Variants in BRINP3 observed in about 807,000 individuals in gnomAD.
BRINP3 encodes BMP/retinoic acid-inducible neural-specific protein 3.
A neutral mutation model predicts 71.0 loss-of-function variants in BRINP3; 19 were observed. The observed-to-expected ratio is 0.27, with a 90% CI of 0.19 to 0.39. The LOEUF is 0.39. Ranked by LOEUF, BRINP3 falls within the 10% of genes least tolerant of loss-of-function variation. The pLI is 1.00. For missense variants in BRINP3, 959 were observed against 940.8 expected, an observed-to-expected ratio of 1.02 and a Z score of -0.25; for synonymous variants, 380 against 337.7, an observed-to-expected ratio of 1.13 and a Z score of -1.37.
chr1:190,265,931 T>C (rs560478922), intron 3 of BRINP3, among the ~76,000 whole-genome samples: 1 of 152,322 alleles, frequency 6.6e-6, no homozygotes, highest in South Asian at 2.1e-4. Context: ...CATTGTGTGT[T>C]AATACACTGT....
rs116078532 is a variant in BRINP3, at chr1:190,269,834, A to G, written c.428-4779T>C. On this transcript the variant is annotated intron_variant, in intron 3 of 7. Transcript: ENST00000367462. ...TTGCAAAATGATACAACTTACATACAGGGAACATTGGCAATATATATCAAT... is the reference window on the plus strand; with the variant it reads ...TTGCAAAATGATACAACTTACATACGGGGAACATTGGCAATATATATCAAT... Among the ~76,000 whole-genome samples the G allele has an allele frequency of 1.4e-3, 212 of 152,174 alleles. 1 individual carries two copies. The highest frequency in any genetic ancestry group is 4.9e-3 in the African/African-American group (202 of 41,570).
intron 2 of BRINP3, among the ~76,000 whole-genome samples, chr1:190,361,026 G>A (rs577294202): frequency 6.6e-6 from 1 of 152,192 alleles, no homozygotes; most frequent in South Asian, 2.1e-4. Flanking sequence ...TTTCAAGGAT[G>A]AGAAAATATG....
intron 2 of BRINP3, among the ~76,000 whole-genome samples, chr1:190,299,717 C>T (rs1382607830): frequency 2.0e-5 from 3 of 151,648 alleles, no homozygotes; most frequent in Non-Finnish European, 4.4e-5. Context: ...TTTAGCGCTT[C>T]CTTCAGGAGC....
At chr1:190,178,018 AG>A (rs1263890213) in intron 6 of BRINP3, among the ~76,000 whole-genome samples, 1 of 152,196 alleles carries the variant, frequency 6.6e-6, no homozygotes, top group Admixed American at 6.5e-5. Context: ...AGCTTATAAG[AG>A]GATTTGTGTC....
intron 1 of BRINP3, among the ~76,000 whole-genome samples, chr1:190,464,493 A>C (rs1676608384): frequency 6.6e-6 from 1 of 151,880 alleles, no homozygotes; most frequent in Admixed American, 6.6e-5. Context: ...GGCAGTTATT[A>C]TGTTTTCGTA....
At chr1:190,130,430 A>G (rs1334614243) in intron 7 of BRINP3, among the ~76,000 whole-genome samples, 3 of 152,014 alleles carry the variant, frequency 2.0e-5, no homozygotes, top group African/African-American at 7.2e-5. Context: ...CGCTGATTTC[A>G]TTAACCTTAA....
chr1:190,234,307 A>C, intron 5 of BRINP3, 65 bp downstream of exon 5: 6 of 1,235,844 alleles, frequency 4.9e-6, no homozygotes, highest in Non-Finnish European at 6.8e-6. Flanking sequence ...AAAATGGAAA[A>C]GAAATCACGA....
intron 2 of BRINP3, among the ~76,000 whole-genome samples, chr1:190,346,361 G>A (rs947582067): frequency 2.0e-5 from 3 of 152,044 alleles, no homozygotes; most frequent in Non-Finnish European, 4.4e-5. Context: ...CTGAAGGCAA[G>A]TGCTTTGTTA....
chr1:190,275,215 A>G (rs1377807025), intron 3 of BRINP3, among the ~76,000 whole-genome samples: 2 of 151,630 alleles, frequency 1.3e-5, no homozygotes, highest in African/African-American at 2.4e-5. Flanking sequence ...AGTTACTTCT[A>G]ATTTTGGAGC....
chr1:190,309,212 T>C (rs1665343789), intron 2 of BRINP3, among the ~76,000 whole-genome samples: 1 of 151,828 alleles, frequency 6.6e-6, no homozygotes, highest in Admixed American at 6.6e-5. Context: ...GCTAAAAATA[T>C]TGTATGATTC....
intron 2 of BRINP3, among the ~76,000 whole-genome samples, chr1:190,382,570 A>G (rs1670617170): frequency 6.6e-6 from 1 of 152,156 alleles, no homozygotes; most frequent in Non-Finnish European, 1.5e-5. Context: ...CTTCCCGAGG[A>G]AAAGACAATC....
intron 1 of BRINP3, among the ~76,000 whole-genome samples, chr1:190,455,467 ATG>A (rs1553326600): frequency 6.6e-5 from 10 of 152,258 alleles, no homozygotes; most frequent in African/African-American, 2.2e-4. Flanking sequence ...ATGTGTGTAT[ATG>A]TGTGTATACC....
At chr1:190,365,562 A>T (rs1316658525) in intron 2 of BRINP3, among the ~76,000 whole-genome samples, 1 of 147,344 alleles carries the variant, frequency 6.8e-6, no homozygotes, top group African/African-American at 2.5e-5. Context: ...ATATAATTAT[A>T]TTTTAGTTTT....
At chr1:190,138,560 G>T (rs1488784489) in intron 7 of BRINP3, among the ~76,000 whole-genome samples, 2 of 152,104 alleles carry the variant, frequency 1.3e-5, no homozygotes, top group African/African-American at 4.8e-5. Context: ...TTTGTGCTTT[G>T]CCCTCTGTGT....
chr1:190,321,020 T>A (rs75421739), intron 2 of BRINP3, among the ~76,000 whole-genome samples: 19,771 of 151,992 alleles, frequency 0.13, 1,672 homozygotes, highest in South Asian at 0.26. Flanking sequence ...CAGATTAAAA[T>A]GGAGTTTTAT....
rs778033230 is a variant in BRINP3, at chr1:190,175,486, T to A, written c.962-14596A>T. Among the ~76,000 whole-genome samples, 73 of 152,254 alleles carry A rather than the reference T, an allele frequency of 4.8e-4. 2 individuals carry two copies. Among genetic ancestry groups the A allele is most frequent in the Middle Eastern group, 3.4e-3 (1 of 294 alleles). On this transcript the variant is annotated intron_variant, in intron 6 of 7. Coordinates refer to ENST00000367462, the MANE Select transcript of BRINP3 (RefSeq NM_199051.3). Reference sequence around the variant, plus strand: ...ATATTACTTAACTCATCCTAAAAACTAGACTCTCAATTTCCAGGAATGTTG... The same window carrying A: ...ATATTACTTAACTCATCCTAAAAACAAGACTCTCAATTTCCAGGAATGTTG...
chr1:190,139,777 T>G (rs542400056), intron 7 of BRINP3, among the ~76,000 whole-genome samples: 1 of 152,130 alleles, frequency 6.6e-6, no homozygotes, highest in Non-Finnish European at 1.5e-5. Flanking sequence ...AGTTAAGGTT[T>G]TCTCCAGGCA....
chr1:190,229,669 C>G (rs1657764810), intron 5 of BRINP3, among the ~76,000 whole-genome samples: 1 of 151,042 alleles, frequency 6.6e-6, no homozygotes, highest in Admixed American at 6.6e-5. Context: ...CACACACACA[C>G]ACACACACAC....
chr1:190,472,332 A>G (rs373952606), intron 1 of BRINP3, among the ~76,000 whole-genome samples: 2 of 151,652 alleles, frequency 1.3e-5, no homozygotes, highest in East Asian at 3.9e-4. Flanking sequence ...ACTTTTCCCA[A>G]TAACCCTTTA....
Sources: allele counts gnomAD v4.1 joint callset (sites outside exome capture counted in the v4.1 genomes callset), GRCh38; gene constraint gnomAD v4.1.1; transcripts MANE v1.5; gene names NCBI Gene and HGNC (gene_info 2026-07-23, HGNC 2026-07-21).